The following LDB2 variants were observed in gnomAD, a reference collection of about 807,000 sequenced individuals.
LDB2 encodes LIM domain binding 2.
In LDB2, 12 loss-of-function variants were observed where a neutral mutation model predicts 44.3. The ratio of observed to expected loss-of-function variants is 0.27; its 90% CI spans 0.17 to 0.44. The LOEUF (loss-of-function observed/expected upper bound fraction) is 0.44. Ranked by LOEUF, LDB2 falls within the 20% of genes least tolerant of loss-of-function variation. The pLI, the probability that LDB2 is intolerant of heterozygous loss-of-function variation, is 1.00. For missense variants in LDB2, 344 were observed against 473.5 expected, an observed-to-expected ratio of 0.73 and a Z score of 2.54; for synonymous variants, 164 against 174.8, an observed-to-expected ratio of 0.94 and a Z score of 0.49.
At chr4:16,815,357 G>C (rs987141009) in intron 1 of LDB2, among the ~76,000 whole-genome samples, 3 of 152,150 alleles carry the variant, frequency 2.0e-5, no homozygotes, top group African/African-American at 4.8e-5. Context: ...ACATAGAAGA[G>C]CCTCTTTTAA....
intron 2 of LDB2, among the ~76,000 whole-genome samples, chr4:16,624,214 A>G (rs1729668704): frequency 6.6e-6 from 1 of 152,206 alleles, no homozygotes; most frequent in Admixed American, 6.5e-5. Context: ...ACAGTGTAGC[A>G]TCCCGTAACA....
intron 5 of LDB2, among the ~76,000 whole-genome samples, chr4:16,579,166 ATAAT>A (rs1461702050): frequency 6.6e-6 from 1 of 152,260 alleles, no homozygotes; most frequent in East Asian, 1.9e-4. Context: ...TCTTTTTAAA[ATAAT>A]TAAAAGAATA....
intron 2 of LDB2, among the ~76,000 whole-genome samples, chr4:16,680,483 A>G (rs929140461): frequency 1.1e-4 from 16 of 152,228 alleles, no homozygotes; most frequent in African/African-American, 3.9e-4. Flanking sequence ...CACCATTTAC[A>G]GGGTCCTTAT....
chr4:16,616,359 C>T (rs1180131647), intron 2 of LDB2, among the ~76,000 whole-genome samples: 1 of 151,938 alleles, frequency 6.6e-6, no homozygotes, highest in Non-Finnish European at 1.5e-5. Flanking sequence ...ACCTGATTCC[C>T]AGTGTGTGTT....
At chr4:16,531,629 T>C (rs2152303596) in intron 5 of LDB2, among the ~76,000 whole-genome samples, 1 of 152,318 alleles carries the variant, frequency 6.6e-6, no homozygotes, top group African/African-American at 2.4e-5. Flanking sequence ...TCCCTCAGGT[T>C]CACATGGCTT....
At chr4:16,511,841 C>T in intron 6 of LDB2, 140 bp downstream of exon 6, 3 of 950,130 alleles carry the variant, frequency 3.2e-6, no homozygotes, top group Non-Finnish European at 4.6e-6. Context: ...TCTTTATGTC[C>T]ACAACCATGG....
intron 5 of LDB2, among the ~76,000 whole-genome samples, chr4:16,522,276 T>TTGTGTGTGCGTGTGTGTGTG (rs61400788): frequency 1.3e-3 from 191 of 150,348 alleles, no homozygotes; most frequent in South Asian, 2.1e-3. Flanking sequence ...GTGTGTGTGT[T>TTGTGTGTGCGTGTGTGTGTG]TGTGTGTGTG....
In LDB2 at chr4:16,839,357, T is replaced by C. The variant is rs6812938; in HGVS notation, c.132+58997A>G. ...GGAAGCAAGAGCAAGGAGTAGGACA[T>C]GCCAGGCTTTTTCAACAACCAGCTC... is the stretch of plus-strand genomic sequence containing the variant. On this transcript the variant is annotated intron_variant, in intron 1 of 7. Transcript: ENST00000304523. Among the ~76,000 whole-genome samples, 1,113 of 152,278 alleles carry C rather than the reference T, an allele frequency of 7.3e-3. 15 individuals carry two copies. Among genetic ancestry groups the C allele is most frequent in the African/African-American group, 0.026 (1,062 of 41,556 alleles).
At chr4:16,652,281 AT>A (rs2152526081) in intron 2 of LDB2, among the ~76,000 whole-genome samples, 1 of 152,304 alleles carries the variant, frequency 6.6e-6, no homozygotes, top group South Asian at 2.1e-4. Flanking sequence ...AGAGTAATTT[AT>A]TTTGCATGTT....
At chr4:16,650,025 C>T (rs1482389386) in intron 2 of LDB2, among the ~76,000 whole-genome samples, 3 of 152,196 alleles carry the variant, frequency 2.0e-5, no homozygotes, top group African/African-American at 7.2e-5. Flanking sequence ...ATCTTTCTGA[C>T]ATTGTTCTTT....
At chr4:16,832,950 G>C (rs1426596863) in intron 1 of LDB2, among the ~76,000 whole-genome samples, 1 of 152,182 alleles carries the variant, frequency 6.6e-6, no homozygotes, top group Non-Finnish European at 1.5e-5. Context: ...TATTTACTGA[G>C]TGCTTAACAC....
intron 2 of LDB2, among the ~76,000 whole-genome samples, chr4:16,721,360 T>C (rs1560994152): frequency 6.6e-6 from 1 of 152,168 alleles, no homozygotes; most frequent in Non-Finnish European, 1.5e-5. Context: ...CTCTGGTCTT[T>C]AAATTCTGTG....
At chr4:16,867,053 C>A (rs1361881076) in intron 1 of LDB2, among the ~76,000 whole-genome samples, 1 of 152,170 alleles carries the variant, frequency 6.6e-6, no homozygotes, top group Non-Finnish European at 1.5e-5. Context: ...AATATGACTG[C>A]TGTCTGGCAC....
chr4:16,792,872 T>C (rs574240467), intron 1 of LDB2, among the ~76,000 whole-genome samples: 4 of 152,356 alleles, frequency 2.6e-5, no homozygotes, highest in African/African-American at 9.6e-5. Flanking sequence ...GTTTTCAGCA[T>C]ACTGTTGTAG....
At chr4:16,637,675 A>C (rs932812201) in intron 2 of LDB2, among the ~76,000 whole-genome samples, 1 of 152,198 alleles carries the variant, frequency 6.6e-6, no homozygotes, top group Admixed American at 6.5e-5. Context: ...TAATTAAGAT[A>C]GGGGTGTCAG....
chr4:16,796,017 C>T (rs1054094330), intron 1 of LDB2, among the ~76,000 whole-genome samples: 2 of 152,018 alleles, frequency 1.3e-5, no homozygotes, highest in African/African-American at 2.4e-5. Context: ...AATGAGCCGG[C>T]GCGGTGGTTC....
rs141617617 is a variant in LDB2 at position 16,843,384 on chromosome 4, A to G, written c.132+54970T>C. Among the ~76,000 whole-genome samples the G allele has an allele frequency of 5.1e-3, 770 of 152,304 alleles. 5 individuals are homozygous for G. Among genetic ancestry groups the G allele is most frequent in the Non-Finnish European group, 8.7e-3 (592 of 68,026 alleles). ...TTTCTTCACTGTTCAGTCTCCAAAG[A>G]CTAGAGCCAGGTCTGACAACAAACA... is the stretch of plus-strand genomic sequence containing the variant. On this transcript the variant is annotated intron_variant, in intron 1 of 7. Transcript: ENST00000304523.
intron 2 of LDB2, among the ~76,000 whole-genome samples, chr4:16,747,278 A>G (rs904273441): frequency 3.3e-5 from 5 of 152,158 alleles, no homozygotes; most frequent in Non-Finnish European, 7.4e-5. Flanking sequence ...TTTTGGGCCC[A>G]TCTTTTAAAA....
chr4:16,710,317 AGTC>A (rs1306135223), intron 2 of LDB2, among the ~76,000 whole-genome samples: 1 of 152,208 alleles, frequency 6.6e-6, no homozygotes, highest in African/African-American at 2.4e-5. Context: ...GAATACATAC[AGTC>A]TGAAAAATAC....
Sources: allele counts gnomAD v4.1 joint callset (sites outside exome capture counted in the v4.1 genomes callset), GRCh38; gene constraint gnomAD v4.1.1; transcripts MANE v1.5; gene names NCBI Gene and HGNC (gene_info 2026-07-23, HGNC 2026-07-21).